The following CLEC16A variants were observed in gnomAD, a reference collection of about 807,000 sequenced individuals.
The protein encoded by CLEC16A is protein CLEC16A.
CLEC16A carries 51 observed loss-of-function variants against 109.5 expected under a neutral mutation model. The observed-to-expected ratio is 0.47, with a 90% confidence interval of 0.37 to 0.59. The LOEUF is 0.59. Ranked by LOEUF, CLEC16A falls within the 20% of genes least tolerant of loss-of-function variation. The pLI is 0.00. For missense variants in CLEC16A, 1,339 were observed against 1,394.0 expected, an observed-to-expected ratio of 0.96 and a Z score of 0.63; for synonymous variants, 673 against 564.2, an observed-to-expected ratio of 1.19 and a Z score of -2.73.
At chr16:10,957,643 C>G (rs955991945) in intron 1 of CLEC16A, 139 bp from the exon 2 acceptor site, 1 of 825,724 alleles carries the variant, frequency 1.2e-6, no homozygotes, top group Non-Finnish European at 1.9e-6. Flanking sequence ...TGAGTTACAT[C>G]TAATCTGAAT....
At chr16:11,072,898 G>T (rs75032391) in intron 19 of CLEC16A, among the ~76,000 whole-genome samples, 36 of 152,236 alleles carry the variant, frequency 2.4e-4, no homozygotes, top group Non-Finnish European at 4.4e-4. Flanking sequence ...AGCAGAGGAG[G>T]TAACACAGGC....
intron 22 of CLEC16A, among the ~76,000 whole-genome samples, chr16:11,136,538 C>T (rs2053571998): frequency 6.6e-6 from 1 of 152,198 alleles, no homozygotes; most frequent in Non-Finnish European, 1.5e-5. Flanking sequence ...TCCTTTTCTA[C>T]ACATTAATCA....
At chr16:11,072,809 T>C (rs1280223712) in intron 19 of CLEC16A, among the ~76,000 whole-genome samples, 1 of 152,234 alleles carries the variant, frequency 6.6e-6, no homozygotes, top group Non-Finnish European at 1.5e-5. Context: ...AATATGTCTG[T>C]TCTCTTTGGA....
At chr16:11,091,065 G>A (rs959140641) in intron 19 of CLEC16A, among the ~76,000 whole-genome samples, 3 of 152,124 alleles carry the variant, frequency 2.0e-5, no homozygotes, top group Admixed American at 2.0e-4. Context: ...CTCCCAAGGT[G>A]TTGGGATTAC....
At chr16:10,986,273 A>G in intron 10 of CLEC16A, among the ~76,000 whole-genome samples, 1 of 149,722 alleles carries the variant, frequency 6.7e-6, no homozygotes, top group Non-Finnish European at 1.5e-5. Flanking sequence ...CTCGTGATCC[A>G]CCCGCCTCAG....
At chr16:11,066,216 C>T (rs1340053411) in intron 19 of CLEC16A, among the ~76,000 whole-genome samples, 1 of 152,114 alleles carries the variant, frequency 6.6e-6, no homozygotes, top group Non-Finnish European at 1.5e-5. Context: ...GTGCCTAGAA[C>T]AGTGCCTGAC....
intron 22 of CLEC16A, chr16:11,156,709 C>A (rs1191162332): frequency 7.8e-7 from 1 of 1,278,530 alleles, no homozygotes; most frequent in Non-Finnish European, 1.0e-6. Flanking sequence ...AGGGCAGGGG[C>A]TGGGCGAGGC....
intron 22 of CLEC16A, among the ~76,000 whole-genome samples, chr16:11,154,650 C>T (rs2054434913): frequency 6.6e-6 from 1 of 152,178 alleles, no homozygotes; most frequent in African/African-American, 2.4e-5. Context: ...CCAGGACAGG[C>T]GTGGGGGCTC....
chr16:11,144,484 C>T (rs1048095715), intron 22 of CLEC16A, among the ~76,000 whole-genome samples: 2 of 151,980 alleles, frequency 1.3e-5, no homozygotes, highest in African/African-American at 2.4e-5. Context: ...GAAAAGCCAC[C>T]CTCCCCTCAG....
chr16:10,980,831 C>G (rs1669109687), intron 9 of CLEC16A, among the ~76,000 whole-genome samples: 1 of 152,174 alleles, frequency 6.6e-6, no homozygotes, highest in Non-Finnish European at 1.5e-5. Flanking sequence ...AACCTAAAAT[C>G]AGGTATAAAT....
At chr16:11,044,472 G>A (rs1240770796) in intron 16 of CLEC16A, among the ~76,000 whole-genome samples, 1 of 152,098 alleles carries the variant, frequency 6.6e-6, no homozygotes, top group East Asian at 1.9e-4. Flanking sequence ...ATGAATTTAT[G>A]AACCATATAC....
intron 19 of CLEC16A, among the ~76,000 whole-genome samples, chr16:11,065,149 G>A (rs2048694541): frequency 6.6e-6 from 1 of 152,210 alleles, no homozygotes; most frequent in African/African-American, 2.4e-5. Flanking sequence ...TCCTGAACAG[G>A]GACAAGCAGG....
intron 23 of CLEC16A, among the ~76,000 whole-genome samples, chr16:11,172,781 C>G (rs1192167043): frequency 6.6e-6 from 1 of 151,906 alleles, no homozygotes; most frequent in African/African-American, 2.4e-5. Context: ...CCCAGCTACT[C>G]GGGAGGCTGA....
At chr16:10,988,639 G>A (rs1000411326) in intron 10 of CLEC16A, among the ~76,000 whole-genome samples, 4 of 152,178 alleles carry the variant, frequency 2.6e-5, no homozygotes, top group African/African-American at 9.7e-5. Flanking sequence ...TGGGTTTGCA[G>A]TGGGCTGCTT....
chr16:10,985,914 C>T (rs1273383644), intron 10 of CLEC16A, among the ~76,000 whole-genome samples: 1 of 150,622 alleles, frequency 6.6e-6, no homozygotes, highest in East Asian at 1.9e-4. Flanking sequence ...CCATGTTGGC[C>T]AGGCTGCTCT....
At chr16:10,981,002 T>C (rs375365144) in intron 9 of CLEC16A, among the ~76,000 whole-genome samples, 20 of 152,176 alleles carry the variant, frequency 1.3e-4, no homozygotes, top group African/African-American at 4.6e-4. Flanking sequence ...CAGAGTGTGG[T>C]GTAGGCAGCT....
At chr16:11,176,043 G>C (rs919972594) in intron 23 of CLEC16A, among the ~76,000 whole-genome samples, 3 of 152,254 alleles carry the variant, frequency 2.0e-5, no homozygotes, top group Non-Finnish European at 2.9e-5. Flanking sequence ...TTTATGTGTG[G>C]ATCCACATGT....
Position 11,061,006 on chromosome 16 carries a change from T to A in CLEC16A, c.2100T>A (p.Asp700Glu). The change falls in exon 19 of 24, where the codon GAT (aspartate) becomes GAA (glutamate). Residue 700 changes from aspartate (D) to glutamate (E), a missense_variant. Asp to Glu is a conservative substitution (Grantham distance 45). Around this residue, in one of 3 missense-constraint regions of CLEC16A, gnomAD observed 1,061 missense variants for 1,006.8 expected, o/e 1.05. Coordinates refer to ENST00000409790, the MANE Select transcript of CLEC16A (RefSeq NM_015226.3). Reference protein sequence around the residue: ...LTREEDLIKTDDVLDLNNSDL... With the variant: ...LTREEDLIKTEDVLDLNNSDL... Reference sequence around the variant, plus strand: ...GGGAGGAGGACCTGATCAAGACTGATGATGTCCTGGATCTGAGTGAGTTGG... The same window carrying A: ...GGGAGGAGGACCTGATCAAGACTGAAGATGTCCTGGATCTGAGTGAGTTGG... 6.2e-7 allele frequency: 1 copy of A among 1,609,834 alleles called. No homozygotes were observed. The highest frequency in any genetic ancestry group is 8.5e-7 in the Non-Finnish European group (1 of 1,178,778).
intron 19 of CLEC16A, among the ~76,000 whole-genome samples, chr16:11,094,141 C>T (rs552057209): frequency 1.3e-5 from 2 of 152,336 alleles, no homozygotes; most frequent in South Asian, 4.1e-4. Flanking sequence ...TCAACCTTTC[C>T]TCCAGAGTAC....
Sources: gnomAD v4.1 joint callset for allele counts (sites outside exome capture counted in the v4.1 genomes callset) on GRCh38, gnomAD v4.1.1 for gene constraint, gnomAD v4.1.1 regional missense constraint, MANE v1.5 for transcripts, NCBI Gene and HGNC (gene_info 2026-07-23, HGNC 2026-07-21) for gene names.